Variants in PSEN1 observed in about 807,000 individuals in gnomAD.
PSEN1 encodes presenilin-1.
PSEN1 carries 15 observed loss-of-function variants against 53.5 expected under a neutral mutation model. That is an observed-to-expected ratio of 0.28 (90% confidence interval 0.19 to 0.43). PSEN1 has a LOEUF of 0.43. Ranked by LOEUF, PSEN1 falls within the 20% of genes least tolerant of loss-of-function variation. PSEN1 has a pLI of 1.00. For synonymous variants in PSEN1, 208 were observed against 209.8 expected, an observed-to-expected ratio of 0.99 and a Z score of 0.08; for missense variants, 387 against 571.2, an observed-to-expected ratio of 0.68 and a Z score of 3.29.
At chr14:73,147,922 G>A in intron 2 of PSEN1, 45 bp from the exon 3 acceptor site, 1 of 891,008 alleles carries the variant, frequency 1.1e-6, no homozygotes, top group South Asian at 1.4e-5. Flanking sequence ...TTTTATAACA[G>A]TATAATTGTA....
At chr14:73,176,880 G>A (rs553898801) in intron 5 of PSEN1, among the ~76,000 whole-genome samples, 9 of 152,288 alleles carry the variant, frequency 5.9e-5, no homozygotes, top group East Asian at 1.9e-4. Flanking sequence ...TAGCTATTAC[G>A]TAAGATTCCT....
At chr14:73,181,923 G>A (rs922406236) in intron 5 of PSEN1, among the ~76,000 whole-genome samples, 5 of 152,164 alleles carry the variant, frequency 3.3e-5, no homozygotes, top group African/African-American at 1.2e-4. Context: ...ACAGGCACCT[G>A]CCACCACGCC....
At chr14:73,202,457 T>C (rs1899256437) in intron 8 of PSEN1, among the ~76,000 whole-genome samples, 1 of 18,484 alleles carries the variant, frequency 5.4e-5, no homozygotes, top group Non-Finnish European at 9.2e-5. Context: ...TATATATATA[T>C]ATATATTTTT....
chr14:73,171,682 G>C (rs1372416916), intron 4 of PSEN1, among the ~76,000 whole-genome samples: 1 of 152,112 alleles, frequency 6.6e-6, no homozygotes, highest in East Asian at 1.9e-4. Flanking sequence ...AGAATGATGG[G>C]GTGAGTGCTT....
At chr14:73,156,106 G>A (rs1175710168) in intron 3 of PSEN1, among the ~76,000 whole-genome samples, 3 of 152,000 alleles carry the variant, frequency 2.0e-5, no homozygotes, top group Non-Finnish European at 4.4e-5. Flanking sequence ...AGGCTGAGGC[G>A]GGTGGATCAC....
chr14:73,198,666 G>A (rs543710533), intron 8 of PSEN1, among the ~76,000 whole-genome samples: 33 of 152,196 alleles, frequency 2.2e-4, no homozygotes, highest in Admixed American at 2.0e-4. Flanking sequence ...TAGCAATCAA[G>A]GGAAAGAGTT....
chr14:73,184,690 G>A (rs1898407132), intron 5 of PSEN1, among the ~76,000 whole-genome samples: 1 of 150,708 alleles, frequency 6.6e-6, no homozygotes, highest in East Asian at 2.0e-4. Flanking sequence ...GGCGGGGCGG[G>A]GGGCTGACCC....
intron 9 of PSEN1, among the ~76,000 whole-genome samples, chr14:73,211,459 C>G (rs1899676008): frequency 6.6e-6 from 1 of 152,186 alleles, no homozygotes; most frequent in Non-Finnish European, 1.5e-5. Context: ...AGTTACAACC[C>G]CACAACCTTA....
intron 8 of PSEN1, among the ~76,000 whole-genome samples, chr14:73,199,423 A>G (rs1899087267): frequency 6.6e-6 from 1 of 152,204 alleles, no homozygotes; most frequent in Non-Finnish European, 1.5e-5. Flanking sequence ...AGTATTTTTC[A>G]CTTAAGAATA....
intron 5 of PSEN1, among the ~76,000 whole-genome samples, chr14:73,176,437 T>A (rs566481953): frequency 6.6e-6 from 1 of 152,350 alleles, no homozygotes; most frequent in African/African-American, 2.4e-5. Context: ...GGAATTCTAC[T>A]TTTTCTTTCT....
At chr14:73,199,957 G>A (rs1433448028) in intron 8 of PSEN1, among the ~76,000 whole-genome samples, 1 of 152,112 alleles carries the variant, frequency 6.6e-6, no homozygotes, top group African/African-American at 2.4e-5. Context: ...ATGTTGACCA[G>A]GCTGGTCTCG....
chr14:73,163,655 G>A (rs1400976513), intron 3 of PSEN1, among the ~76,000 whole-genome samples: 2 of 152,100 alleles, frequency 1.3e-5, no homozygotes, highest in South Asian at 2.1e-4. Flanking sequence ...CCTTACATTC[G>A]ATAGTCAGGA....
At chr14:73,215,035 C>T (rs993015411) in intron 10 of PSEN1, among the ~76,000 whole-genome samples, 1 of 152,026 alleles carries the variant, frequency 6.6e-6, no homozygotes, top group African/African-American at 2.4e-5. Flanking sequence ...GATCTCAGCT[C>T]ACTGCAACTC....
In PSEN1 at chr14:73,162,136, G is replaced by A. The variant is rs1381434463; in HGVS notation, c.88-8661G>A. Reference sequence around the variant, plus strand: ...CAAGGTTGCAGTGAGCCAAGATTGCGCCACTGCACTCCAGCCTGGGCAACA... The same window carrying A: ...CAAGGTTGCAGTGAGCCAAGATTGCACCACTGCACTCCAGCCTGGGCAACA... On this transcript the variant is annotated intron_variant, in intron 3 of 11. Coordinates refer to ENST00000324501, the MANE Select transcript of PSEN1 (RefSeq NM_000021.4). Among the ~76,000 whole-genome samples the A allele has an allele frequency of 9.4e-5, 14 of 149,346 alleles. No homozygotes were observed. In the East Asian group the frequency reaches 9.8e-4, roughly 10 times the overall value.
rs181390169 is a variant in PSEN1, at chr14:73,160,607, T to A, written c.88-10190T>A. On this transcript the variant is annotated intron_variant, in intron 3 of 11. Transcript: ENST00000324501. ...AGTGGCCATCCTAACGGGTGTAGTT[T>A]TTTTTTGCATTTTTCTAATGATTAG... 1.2e-4 allele frequency among the ~76,000 whole-genome samples: 18 copies of A among 152,240 alleles called. No individual in the cohort carries two copies. The East Asian group carries it at 3.5e-3, about 29-fold the overall frequency.
At chr14:73,195,329 C>T (rs543787152) in intron 7 of PSEN1, among the ~76,000 whole-genome samples, 1 of 152,172 alleles carries the variant, frequency 6.6e-6, no homozygotes, top group African/African-American at 2.4e-5. Context: ...CGCACCACCA[C>T]GCCCAGCTAA....
chr14:73,218,609 T>C (rs1174881641), intron 11 of PSEN1, among the ~76,000 whole-genome samples: 2 of 152,144 alleles, frequency 1.3e-5, no homozygotes, highest in Non-Finnish European at 2.9e-5. Flanking sequence ...CTCATCATGC[T>C]TCACGGAGGA....
chr14:73,160,803 C>CTTTTTTT (rs34048372), intron 3 of PSEN1, among the ~76,000 whole-genome samples: 89 of 84,680 alleles, frequency 1.1e-3, no homozygotes, highest in Admixed American at 1.6e-3. Flanking sequence ...AATTGTAGGA[C>CTTTTTTT]TTTTTTTTTT....
chr14:73,172,655 T>C (rs1897926651), intron 4 of PSEN1, among the ~76,000 whole-genome samples: 1 of 152,256 alleles, frequency 6.6e-6, no homozygotes, highest in Admixed American at 6.5e-5. Flanking sequence ...GCTTAAAATA[T>C]TCAGTCTGGC....
Sources: gnomAD v4.1 joint callset for allele counts (sites outside exome capture counted in the v4.1 genomes callset) on GRCh38, gnomAD v4.1.1 for gene constraint, MANE v1.5 for transcripts, NCBI Gene and HGNC (gene_info 2026-07-23, HGNC 2026-07-21) for gene names.